The following SPAG16 variants were observed in gnomAD, a reference collection of about 807,000 sequenced individuals.
SPAG16 encodes sperm-associated antigen 16 protein.
SPAG16 carries 86 observed loss-of-function variants against 80.4 expected under a neutral mutation model. The ratio of observed to expected loss-of-function variants is 1.07; its 90% CI spans 0.90 to 1.28. SPAG16 has a LOEUF of 1.28. Ranked by LOEUF, SPAG16 falls within the 50% of genes most tolerant of loss-of-function variation. The pLI, the probability that SPAG16 is intolerant of heterozygous loss-of-function variation, is 0.00. For synonymous variants in SPAG16, 294 were observed against 265.9 expected, an observed-to-expected ratio of 1.11 and a Z score of -1.03; for missense variants, 870 against 765.3, an observed-to-expected ratio of 1.14 and a Z score of -1.61.
intron 10 of SPAG16, among the ~76,000 whole-genome samples, chr2:213,581,269 G>A (rs1051740954): frequency 7.9e-5 from 12 of 152,092 alleles, no homozygotes; most frequent in African/African-American, 2.9e-4. Flanking sequence ...ACCACCTGGA[G>A]TACAGTGGTA....
chr2:213,866,503 A>G (rs887296827), intron 11 of SPAG16, among the ~76,000 whole-genome samples: 2 of 152,134 alleles, frequency 1.3e-5, no homozygotes, highest in Non-Finnish European at 2.9e-5. Context: ...GCATAAATCT[A>G]GCAACTATAC....
At chr2:214,285,107 T>G (rs1458884976) in intron 15 of SPAG16, among the ~76,000 whole-genome samples, 1 of 152,174 alleles carries the variant, frequency 6.6e-6, no homozygotes, top group Non-Finnish European at 1.5e-5. Flanking sequence ...GTACAAAGGT[T>G]CTCTTTCCTC....
chr2:213,304,911 T>G (rs984592783), intron 3 of SPAG16, among the ~76,000 whole-genome samples: 4 of 152,194 alleles, frequency 2.6e-5, no homozygotes, highest in Admixed American at 1.3e-4. Context: ...ATGAAGAATG[T>G]CATTGGCATT....
At chr2:214,123,813 A>C (rs987839750) in intron 14 of SPAG16, among the ~76,000 whole-genome samples, 12 of 152,030 alleles carry the variant, frequency 7.9e-5, no homozygotes, top group Admixed American at 6.6e-4. Context: ...CAAGTTCCTG[A>C]AGTGGTGACA....
At position 214,058,571 on chromosome 2, in the gene SPAG16, G is replaced by A. The variant is rs2050064086; in HGVS notation, c.1527+44494G>A. ...GAGAATTACCAAAATGTGACACAGA[G>A]ACAAAAAGTGAGCACATGCAGACGG... On this transcript the variant is annotated intron_variant, in intron 13 of 15. Transcript: ENST00000331683. 2.6e-5 allele frequency among the ~76,000 whole-genome samples: 4 copies of A among 152,162 alleles called. No individual in the cohort carries two copies. The South Asian group carries it at 8.3e-4, about 32-fold the overall frequency.
At chr2:213,357,196 T>C (rs114535792) in intron 7 of SPAG16, among the ~76,000 whole-genome samples, 216 of 152,286 alleles carry the variant, frequency 1.4e-3, no homozygotes, top group Middle Eastern at 0.014. Context: ...AATTTTAGAA[T>C]AAGCGCGATA....
chr2:214,252,338 C>T (rs1690352323), intron 15 of SPAG16, among the ~76,000 whole-genome samples: 1 of 151,732 alleles, frequency 6.6e-6, no homozygotes, highest in Admixed American at 6.6e-5. Flanking sequence ...GGTACATGTG[C>T]AGAACGTTCA....
At chr2:213,475,976 G>A (rs2073352597) in intron 9 of SPAG16, among the ~76,000 whole-genome samples, 1 of 152,140 alleles carries the variant, frequency 6.6e-6, no homozygotes, top group Non-Finnish European at 1.5e-5. Context: ...AAGGTCCCTG[G>A]GGGAAGTGGT....
At chr2:213,805,363 G>T (rs1194875795) in intron 10 of SPAG16, among the ~76,000 whole-genome samples, 2 of 152,122 alleles carry the variant, frequency 1.3e-5, no homozygotes, top group Admixed American at 1.3e-4. Context: ...GGCATGTGAG[G>T]AATAGAATAC....
chr2:214,221,303 T>C (rs113223518), intron 15 of SPAG16, among the ~76,000 whole-genome samples: 1 of 152,260 alleles, frequency 6.6e-6, no homozygotes, highest in African/African-American at 2.4e-5. Context: ...GATGTTTTCT[T>C]TGTAACTTAT....
chr2:213,575,240 TG>T (rs2060083190), intron 10 of SPAG16, among the ~76,000 whole-genome samples: 1 of 152,202 alleles, frequency 6.6e-6, no homozygotes, highest in Non-Finnish European at 1.5e-5. Context: ...TATTCAGAGT[TG>T]AATGCATTAG....
At chr2:214,305,710 G>T (rs1694865777) in intron 15 of SPAG16, among the ~76,000 whole-genome samples, 1 of 151,858 alleles carries the variant, frequency 6.6e-6, no homozygotes, top group African/African-American at 2.4e-5. Flanking sequence ...CTTGGTTCTT[G>T]ATTCTGTTCC....
intron 12 of SPAG16, among the ~76,000 whole-genome samples, chr2:214,011,554 G>A (rs2047282792): frequency 6.6e-6 from 1 of 152,126 alleles, no homozygotes; most frequent in Admixed American, 6.6e-5. Flanking sequence ...AGCAGCAATA[G>A]ACAATATGTA....
Position 213,964,688 on chromosome 2 carries a change from A to C in SPAG16, c.1400+34543A>C, listed in dbSNP as rs572783280. 2.2e-4 allele frequency among the ~76,000 whole-genome samples: 33 copies of C among 152,256 alleles called. No individual in the cohort carries two copies. The South Asian group carries it at 6.8e-3, about 32-fold the overall frequency. ...TTAATCTACACATCCAGAAAGCCCA[A>C]AGAACTCAAAATAGAATAAAAATGA... On this transcript the variant is annotated intron_variant, in intron 12 of 15. Transcript: ENST00000331683.
intron 15 of SPAG16, among the ~76,000 whole-genome samples, chr2:214,359,836 G>A (rs1699065758): frequency 6.6e-6 from 1 of 151,836 alleles, no homozygotes; most frequent in Non-Finnish European, 1.5e-5. Flanking sequence ...TTTAAATGAA[G>A]AAGGTTTGGT....
chr2:214,235,206 C>A (rs1688991280), intron 15 of SPAG16, among the ~76,000 whole-genome samples: 1 of 151,912 alleles, frequency 6.6e-6, no homozygotes, highest in Non-Finnish European at 1.5e-5. Flanking sequence ...AACCTAAGTC[C>A]AACAGCACAT....
intron 12 of SPAG16, among the ~76,000 whole-genome samples, chr2:213,932,147 CATATATATATATATATATAT>C (rs61264162): frequency 0.021 from 651 of 30,546 alleles, 16 homozygotes; most frequent in African/African-American, 0.051. Context: ...CTTGATACTG[CATATATATATATATATATAT>C]ATATATATAT....
intron 11 of SPAG16, among the ~76,000 whole-genome samples, chr2:213,882,617 T>G (rs761137202): frequency 6.6e-6 from 1 of 152,200 alleles, no homozygotes; most frequent in Admixed American, 6.5e-5. Context: ...TTTCTGAGGA[T>G]CTTTTGTATT....
chr2:213,545,875 T>G (rs1559240600), intron 10 of SPAG16, among the ~76,000 whole-genome samples: 1 of 152,128 alleles, frequency 6.6e-6, no homozygotes, highest in Non-Finnish European at 1.5e-5. Flanking sequence ...CTTTTCTCTC[T>G]GTAGAGAATC....
Sources: allele counts gnomAD v4.1 joint callset (sites outside exome capture counted in the v4.1 genomes callset), GRCh38; gene constraint gnomAD v4.1.1; transcripts MANE v1.5; gene names NCBI Gene and HGNC (gene_info 2026-07-23, HGNC 2026-07-21).